Variants in UTRN observed in about 807,000 individuals in gnomAD.
UTRN encodes dystrophin-related protein 1.
UTRN carries 283 observed loss-of-function variants against 463.9 expected under a neutral mutation model. That is an observed-to-expected ratio of 0.61 (90% confidence interval 0.55 to 0.67). The LOEUF is 0.67. UTRN is among the 30% of genes least tolerant of loss of function. The pLI is 0.00. For missense variants in UTRN, 3,922 were observed against 4,084.3 expected (o/e 0.96, Z 1.08); for synonymous variants, 1,442 against 1,431.5 (o/e 1.01, Z -0.17).
chr6:144,360,726 G>A (rs1370027728), intron 2 of UTRN, among the ~76,000 whole-genome samples: 3 of 152,188 alleles, frequency 2.0e-5, no homozygotes, highest in Non-Finnish European at 2.9e-5. Context: ...ATCTCAGGTC[G>A]CCTACTTTTG....
chr6:144,306,927 T>G (rs1805793545), intron 2 of UTRN, among the ~76,000 whole-genome samples: 1 of 151,028 alleles, frequency 6.6e-6, no homozygotes. Context: ...TACCTGGGCA[T>G]GGGGTCGCGC....
chr6:144,755,275 G>C (rs1791864121), intron 57 of UTRN, among the ~76,000 whole-genome samples: 1 of 152,104 alleles, frequency 6.6e-6, no homozygotes, highest in South Asian at 2.1e-4. Flanking sequence ...ATTATATTTA[G>C]TTTTTCTGCT....
intron 2 of UTRN, among the ~76,000 whole-genome samples, chr6:144,310,564 T>G (rs1326389899): frequency 1.4e-4 from 18 of 125,876 alleles, no homozygotes; most frequent in Non-Finnish European, 2.1e-4. Context: ...TGGCTGGGCA[T>G]GGTAGTGCAT....
At chr6:144,555,802 C>T (rs9386073) in intron 49 of UTRN, among the ~76,000 whole-genome samples, 12,538 of 152,164 alleles carry the variant, frequency 0.082, 1,135 homozygotes, top group East Asian at 0.54. Context: ...GCTCCTCCTT[C>T]GATTGGACAT....
chr6:144,564,616 G>A (rs1193583542), intron 50 of UTRN, among the ~76,000 whole-genome samples: 1 of 152,134 alleles, frequency 6.6e-6, no homozygotes, highest in African/African-American at 2.4e-5. Context: ...CATGGCGGAA[G>A]GTGAAGGGGA....
chr6:144,403,062 T>C, intron 2 of UTRN, 61 bp from the exon 3 acceptor site: 2 of 1,455,370 alleles, frequency 1.4e-6, no homozygotes, highest in Non-Finnish European at 1.9e-6. Flanking sequence ...CCTTATTTGG[T>C]GCTTTACTAA....
At chr6:144,293,970 T>C (rs1804469252) in intron 2 of UTRN, among the ~76,000 whole-genome samples, 1 of 152,080 alleles carries the variant, frequency 6.6e-6, no homozygotes, top group Admixed American at 6.5e-5. Flanking sequence ...ATGTATTATA[T>C]GAAGTCATTT....
At chr6:144,537,226 A>C (rs961440214) in intron 43 of UTRN, among the ~76,000 whole-genome samples, 1 of 152,096 alleles carries the variant, frequency 6.6e-6, no homozygotes, top group African/African-American at 2.4e-5. Context: ...CTATTATTTT[A>C]GATAAAGACA....
intron 27 of UTRN, among the ~76,000 whole-genome samples, chr6:144,485,014 A>G (rs1717301810): frequency 6.6e-6 from 1 of 151,968 alleles, no homozygotes; most frequent in African/African-American, 2.4e-5. Flanking sequence ...TCCCGGGTTC[A>G]CGCCATTCTC....
At chr6:144,592,370 T>TA (rs1028922281) in intron 51 of UTRN, among the ~76,000 whole-genome samples, 5 of 152,068 alleles carry the variant, frequency 3.3e-5, no homozygotes, top group African/African-American at 1.2e-4. Context: ...TTTAAATTTT[T>TA]AAATTTTTTT....
intron 51 of UTRN, among the ~76,000 whole-genome samples, chr6:144,592,658 C>T (rs191785081): frequency 1.2e-4 from 18 of 152,258 alleles, no homozygotes; most frequent in Admixed American, 1.0e-3. Flanking sequence ...TGTGAGCCAC[C>T]GTGCCCAGCC....
At chr6:144,805,831 G>A (rs988114599) in intron 65 of UTRN, among the ~76,000 whole-genome samples, 4 of 150,918 alleles carry the variant, frequency 2.7e-5, no homozygotes, top group East Asian at 1.9e-4. Context: ...TGGGAAAGAG[G>A]TGGGTGTAAC....
intron 64 of UTRN, chr6:144,799,500 G>C (rs1306823865): frequency 4.2e-6 from 2 of 471,620 alleles, no homozygotes; most frequent in South Asian, 1.5e-5. Context: ...AATGCAGCAG[G>C]GTTCTTGGAA....
intron 2 of UTRN, 127 bp downstream of exon 2, chr6:144,292,034 C>G: frequency 1.1e-6 from 1 of 879,170 alleles, no homozygotes; most frequent in Non-Finnish European, 1.7e-6. Context: ...AAACTGAATT[C>G]TGACAAATGA....
At position 144,718,735 on chromosome 6, in the gene UTRN, C is replaced by T. The variant is rs574279145; in HGVS notation, c.7810-11622C>T. Among the ~76,000 whole-genome samples the T allele has an allele frequency of 3.3e-5, 5 of 152,288 alleles. No individual in the cohort carries two copies. In the East Asian group the frequency reaches 7.7e-4, roughly 24 times the overall value. ...TTTAACATCTCCTCCTTCATTCATA[C>T]AAAAATTTATTGGCTTTCCGCTATA... On this transcript the variant is annotated intron_variant, in intron 53 of 74. Coordinates refer to ENST00000367545, the MANE Select transcript of UTRN (RefSeq NM_007124.3).
chr6:144,531,523 T>A (rs1413969358), intron 42 of UTRN, among the ~76,000 whole-genome samples: 2 of 152,142 alleles, frequency 1.3e-5, no homozygotes, highest in Non-Finnish European at 2.9e-5. Flanking sequence ...ACAGAAAAAA[T>A]ATTTGCATGC....
intron 29 of UTRN, among the ~76,000 whole-genome samples, chr6:144,487,900 TA>T (rs1208248279): frequency 6.6e-6 from 1 of 152,180 alleles, no homozygotes; most frequent in Non-Finnish European, 1.5e-5. Flanking sequence ...ACTGGATGAT[TA>T]AAAAAATTAT....
At chr6:144,723,141 G>T (rs1243303462) in intron 53 of UTRN, among the ~76,000 whole-genome samples, 1 of 152,210 alleles carries the variant, frequency 6.6e-6, no homozygotes, top group Admixed American at 6.5e-5. Context: ...AGTCAGATCA[G>T]TTCCTTATTT....
At chr6:144,822,624 G>A (rs1257771849) in intron 66 of UTRN, among the ~76,000 whole-genome samples, 1 of 152,194 alleles carries the variant, frequency 6.6e-6, no homozygotes, top group East Asian at 1.9e-4. Flanking sequence ...ATACATTCAG[G>A]AACAGTAGAC....
Sources: allele counts gnomAD v4.1 joint callset (sites outside exome capture counted in the v4.1 genomes callset), GRCh38; gene constraint gnomAD v4.1.1; transcripts MANE v1.5; gene names NCBI Gene and HGNC (gene_info 2026-07-23, HGNC 2026-07-21).